COMMD10: variants seen among roughly 807,000 people sequenced by gnomAD.
The protein encoded by COMMD10 is COMM domain containing 10, also known as COMM domain-containing protein 10.
Under a neutral mutation model 28.9 loss-of-function variants are expected in COMMD10, and 33 were observed. That is an observed-to-expected ratio of 1.14 (90% CI 0.87 to 1.53). The LOEUF (loss-of-function observed/expected upper bound fraction) is 1.53. COMMD10 is among the 40% of genes most tolerant of loss of function. The pLI is 0.00. For synonymous variants in COMMD10, 110 were observed against 81.7 expected, an observed-to-expected ratio of 1.35 and a Z score of -1.87; for missense variants, 310 against 233.4, an observed-to-expected ratio of 1.33 and a Z score of -2.14.
At chr5:116,239,512 A>G (rs1321316045) in intron 5 of COMMD10, among the ~76,000 whole-genome samples, 1 of 152,180 alleles carries the variant, frequency 6.6e-6, no homozygotes, top group African/African-American at 2.4e-5. Context: ...TGAGCAGTAC[A>G]TTTTAAAAGT....
intron 1 of COMMD10, among the ~76,000 whole-genome samples, chr5:116,087,252 G>C (rs1163317706): frequency 1.3e-5 from 2 of 152,132 alleles, no homozygotes; most frequent in African/African-American, 2.4e-5. Flanking sequence ...CTAGTAGTTT[G>C]GTTTGCCCAA....
At chr5:116,092,792 G>C (rs370201279) in intron 4 of COMMD10, 92 bp downstream of exon 4, 1 of 941,012 alleles carries the variant, frequency 1.1e-6, no homozygotes, top group Non-Finnish European at 1.5e-6. Context: ...ATATTTTGTT[G>C]AGAGGTAGAG....
chr5:116,131,482 T>C (rs1468701793), intron 4 of COMMD10, among the ~76,000 whole-genome samples: 1 of 151,956 alleles, frequency 6.6e-6, no homozygotes, highest in Non-Finnish European at 1.5e-5. Context: ...CAGTCCTGCC[T>C]CCTACCAAAG....
chr5:116,141,708 C>T (rs114802986), intron 5 of COMMD10, among the ~76,000 whole-genome samples: 37 of 151,770 alleles, frequency 2.4e-4, no homozygotes, highest in African/African-American at 8.9e-4. Flanking sequence ...GGGGTGGTGG[C>T]TGGGAAAGTG....
chr5:116,238,731 C>T (rs1182857554), intron 5 of COMMD10, among the ~76,000 whole-genome samples: 1 of 152,144 alleles, frequency 6.6e-6, no homozygotes, highest in Admixed American at 6.6e-5. Context: ...GCTCATACTC[C>T]TTATATGGGG....
At chr5:116,141,594 T>G (rs1180677632) in intron 5 of COMMD10, among the ~76,000 whole-genome samples, 1 of 151,840 alleles carries the variant, frequency 6.6e-6, no homozygotes, top group Non-Finnish European at 1.5e-5. Context: ...TTAATCAGTG[T>G]GTTATAGTTT....
chr5:116,134,974 T>G (rs1751984348), intron 5 of COMMD10, among the ~76,000 whole-genome samples: 1 of 152,142 alleles, frequency 6.6e-6, no homozygotes, highest in Admixed American at 6.6e-5. Context: ...TCAGAACAAC[T>G]TGAACGTGAT....
intron 4 of COMMD10, among the ~76,000 whole-genome samples, chr5:116,131,405 GTGTATGTATGTA>G (rs558285575): frequency 6.6e-6 from 1 of 151,784 alleles, no homozygotes; most frequent in Non-Finnish European, 1.5e-5. Context: ...GTGTGTATGT[GTGTATGTATGTA>G]TGTATGTATG....
chr5:116,250,151 A>G (rs1750066847), intron 5 of COMMD10, among the ~76,000 whole-genome samples: 1 of 151,146 alleles, frequency 6.6e-6, no homozygotes, highest in African/African-American at 2.4e-5. Context: ...ATTATCTTGG[A>G]GCTAATTCAA....
chr5:116,186,448 G>T (rs576764355), intron 5 of COMMD10, among the ~76,000 whole-genome samples: 1 of 152,042 alleles, frequency 6.6e-6, no homozygotes, highest in African/African-American at 2.4e-5. Context: ...CCTTCTCTGG[G>T]TTTTTGCAGG....
chr5:116,153,118 C>T (rs920981118), intron 5 of COMMD10, among the ~76,000 whole-genome samples: 1 of 152,034 alleles, frequency 6.6e-6, no homozygotes, highest in African/African-American at 2.4e-5. Context: ...CTACCTAATT[C>T]TATATATTTT....
At chr5:116,134,286 T>C in intron 5 of COMMD10, 108 bp downstream of exon 5, 1 of 631,012 alleles carries the variant, frequency 1.6e-6, no homozygotes, top group Non-Finnish European at 2.8e-6. Context: ...CATAATTCAG[T>C]TAAACAGTTA....
chr5:116,210,948 G>A (rs1011874076), intron 5 of COMMD10, among the ~76,000 whole-genome samples: 2 of 151,944 alleles, frequency 1.3e-5, no homozygotes, highest in African/African-American at 4.8e-5. Context: ...ATAGTTACAA[G>A]AACATTTACA....
intron 5 of COMMD10, among the ~76,000 whole-genome samples, chr5:116,148,227 C>A (rs1436639560): frequency 2.0e-5 from 3 of 151,778 alleles, no homozygotes. Flanking sequence ...TGAGAGACTT[C>A]CTTTTTCAGG....
At chr5:116,093,386 G>T (rs1041426205) in intron 4 of COMMD10, among the ~76,000 whole-genome samples, 1 of 152,210 alleles carries the variant, frequency 6.6e-6, no homozygotes, top group Non-Finnish European at 1.5e-5. Context: ...GAGGTGGACA[G>T]CCTTGCTGGG....
At chr5:116,155,006 C>G (rs1266402720) in intron 5 of COMMD10, among the ~76,000 whole-genome samples, 1 of 152,048 alleles carries the variant, frequency 6.6e-6, no homozygotes, top group Admixed American at 6.6e-5. Context: ...GGAACTGTTG[C>G]TGTTTCTTTA....
intron 5 of COMMD10, among the ~76,000 whole-genome samples, chr5:116,217,302 C>T (rs1749132391): frequency 1.3e-5 from 2 of 151,968 alleles, no homozygotes; most frequent in South Asian, 2.1e-4. Flanking sequence ...TAACAGTACA[C>T]AACAACTTTC....
At chr5:116,117,353 C>T (rs1299508888) in intron 4 of COMMD10, among the ~76,000 whole-genome samples, 1 of 152,188 alleles carries the variant, frequency 6.6e-6, no homozygotes, top group Non-Finnish European at 1.5e-5. Context: ...GTTTTAGTCT[C>T]TCCATGCTAC....
At chr5:116,213,451 G>A (rs1235475087) in intron 5 of COMMD10, among the ~76,000 whole-genome samples, 1 of 152,108 alleles carries the variant, frequency 6.6e-6, no homozygotes, top group Non-Finnish European at 1.5e-5. Flanking sequence ...AAGGATCTGT[G>A]TAAAGATTCT....
Sources: allele counts gnomAD v4.1 joint callset (sites outside exome capture counted in the v4.1 genomes callset), GRCh38; gene constraint gnomAD v4.1.1; transcripts MANE v1.5; gene names NCBI Gene and HGNC (gene_info 2026-07-23, HGNC 2026-07-21).